The following ZNF180 variants were observed in gnomAD, a reference collection of about 807,000 sequenced individuals.
The protein encoded by ZNF180 is zinc finger protein 180 (HHZ168).
Under a neutral mutation model 11.8 loss-of-function variants are expected in ZNF180, and 11 were observed. The observed-to-expected ratio is 0.93, with a 90% CI of 0.59 to 1.55. The LOEUF (loss-of-function observed/expected upper bound fraction) is 1.55, where lower values mean the gene tolerates loss of function less well. Ranked by LOEUF, ZNF180 falls within the 40% of genes most tolerant of loss-of-function variation. The probability of loss-of-function intolerance (pLI) is 0.00; values close to 1 mark genes in which losing one functional copy is unlikely to be tolerated. For missense variants in ZNF180, 773 were observed against 781.7 expected, an observed-to-expected ratio of 0.99 and a Z score of 0.13; for synonymous variants, 287 against 257.7, an observed-to-expected ratio of 1.11 and a Z score of -1.09.
At position 44,476,545 on chromosome 19, in the gene ZNF180, C is replaced by CATA. The variant is rs1286111738; in HGVS notation, c.1854_1855insTAT (p.Ser618_Ala619insTyr). ...GTTCTTTGATGCACAATAAGTCGAG[C>CATA]ACTCAAGCTAAATGTTTTTCCACAC... On this transcript the variant is annotated inframe_insertion, in exon 5 of 5. Transcript: ENST00000592529. The CATA allele has an allele frequency of 1.2e-6, 2 of 1,613,688 alleles. No individual in the cohort carries two copies. The highest frequency in any genetic ancestry group is 4.5e-5 in the East Asian group (2 of 44,840).
intron 2 of ZNF180, among the ~76,000 whole-genome samples, chr19:44,489,636 G>T (rs1970370870): frequency 1.7e-5 from 2 of 119,946 alleles, no homozygotes; most frequent in Non-Finnish European, 3.6e-5. Context: ...AGGAAAACCA[G>T]AGACCTTTGT....
At chr19:44,488,488 A>C (rs895069059) in intron 2 of ZNF180, among the ~76,000 whole-genome samples, 8 of 152,162 alleles carry the variant, frequency 5.3e-5, no homozygotes, top group Non-Finnish European at 7.3e-5. Context: ...GCTGGTCTCC[A>C]GCTCCTAACC....
At position 44,488,083 on chromosome 19, in the gene ZNF180, TCC is replaced by T. The variant is rs1970281838; in HGVS notation, c.52-3650_52-3649del. Among the ~76,000 whole-genome samples the T allele has an allele frequency of 2.4e-3, 146 of 61,358 alleles. 3 individuals carry two copies. The highest frequency in any genetic ancestry group is 0.01 in the Middle Eastern group (1 of 96). The allele number at this position is 61,358 out of a possible 152,430, so 40.3% of individuals were successfully genotyped here. ...CGCCCTTGCCCTCTCCCTCTCCCTC[TCC>T]CCACGGTCTCCCTCTCCCTCTCTTT... On this transcript the variant is annotated intron_variant, in intron 2 of 4. Transcript: ENST00000592529.
At position 44,500,486 on chromosome 19, in the gene ZNF180, A is replaced by C. The variant is rs376906659; in HGVS notation, c.-255T>G. 8.3e-5 allele frequency: 46 copies of C among 551,468 alleles called. No individual in the cohort carries two copies. Among genetic ancestry groups the C allele is most frequent in the African/African-American group, 6.4e-4 (34 of 52,874 alleles). The allele number at this position is 551,468 out of a possible 1,614,324, so 34.2% of individuals were successfully genotyped here. ...CTGAAGGGCCGAGCTGCTCGGCGAC[A>C]GCAAGCGTCCGCGCGCGGGACAATG... is the stretch of plus-strand genomic sequence containing the variant. On this transcript the variant is annotated 5_prime_UTR_variant, in exon 1 of 5. Coordinates refer to ENST00000592529, the MANE Select transcript of ZNF180 (RefSeq NM_001278509.3).
chr19:44,484,925 C>G (rs1347922207), intron 2 of ZNF180: 1 of 154,744 alleles, frequency 6.5e-6, no homozygotes, highest in Non-Finnish European at 1.4e-5. Context: ...CTTTGGAAGG[C>G]TGAGGCAGGC....
At chr19:44,484,494 A>C in intron 2 of ZNF180, 59 bp from the exon 3 acceptor site, 1 of 1,242,672 alleles carries the variant, frequency 8.0e-7, no homozygotes, top group Non-Finnish European at 1.2e-6. Context: ...GTGGCAGCTC[A>C]AATCTCCTCC....
chr19:44,479,027 C>G (rs559596376), intron 4 of ZNF180, among the ~76,000 whole-genome samples: 44 of 152,154 alleles, frequency 2.9e-4, no homozygotes, highest in African/African-American at 1.0e-3. Flanking sequence ...AAGCTGGGGA[C>G]AAAAGAAAAT....
chr19:44,476,821 A>G lies in ZNF180; in HGVS notation c.1579T>C (p.Cys527Arg). 1 of 1,614,142 alleles carries G rather than the reference A, an allele frequency of 6.2e-7. No individual in the cohort carries two copies. The highest frequency in any genetic ancestry group is 1.1e-5 in the South Asian group (1 of 91,082). Residue 527 changes from cysteine to arginine, a missense_variant, in exon 5 of 5, where the codon TGT (cysteine) becomes CGT (arginine). Coordinates refer to ENST00000592529, the MANE Select transcript of ZNF180 (RefSeq NM_001278509.3). The stretch of plus-strand genomic sequence containing the variant: ...GAACTGCGGTTAAAAGATTTTCCAC[A>G]TTCACTACATTCATACGGTTTCTCT... ...TGEKPYECSE[C>R]GKSFNRSSHL...
Position 44,479,391 on chromosome 19 carries a change from T to A in ZNF180, c.145A>T (p.Ile49Phe). The change falls in exon 4 of 5, where the codon ATT becomes TTT. Residue 49 changes from isoleucine to phenylalanine, a missense_variant. Coordinates refer to ENST00000592529, the MANE Select transcript of ZNF180 (RefSeq NM_001278509.3). ...TCCCGTGTGAAGTCCACAGTCACAA[T>A]TTTGAAGTTCACTCCTTCCTAAAAA... is the stretch of plus-strand genomic sequence containing the variant. ...IPSQEGVNFK[I>F]VTVDFTREEQ... is the part of the protein sequence containing the mutation. 6.2e-7 allele frequency: 1 copy of A among 1,613,904 alleles called. No individual in the cohort carries two copies. The highest frequency in any genetic ancestry group is 8.5e-7 in the Non-Finnish European group (1 of 1,179,878).
At chr19:44,480,071 A>G (rs2123446041) in intron 3 of ZNF180, among the ~76,000 whole-genome samples, 1 of 152,332 alleles carries the variant, frequency 6.6e-6, no homozygotes, top group East Asian at 1.9e-4. Flanking sequence ...TAAAGGGCAT[A>G]TATCTGCTTA....
rs1367265477 is a variant in ZNF180 at position 44,477,737 on chromosome 19, A to G, written c.663T>C (p.Asn221=). 1 of 1,613,898 alleles carries G rather than the reference A, an allele frequency of 6.2e-7. No individual in the cohort carries two copies. The highest frequency in any genetic ancestry group is 1.3e-5 in the African/African-American group (1 of 74,918). The change falls in exon 5 of 5, where the codon AAT becomes AAC. Residue 221 remains asparagine (N), a synonymous_variant. Transcript: ENST00000592529. ...KINENETLYE[N]NECGKPPQSI... The stretch of plus-strand genomic sequence containing the variant: ...TCTGAGGGGGTTTTCCACATTCATT[A>G]TTTTCATATAGTGTCTCATTCTCAT...
chr19:44,487,136 A>G (rs7252996), intron 2 of ZNF180, among the ~76,000 whole-genome samples: 5,284 of 152,296 alleles, frequency 0.035, 315 homozygotes, highest in African/African-American at 0.12. Context: ...TGGGAGGATC[A>G]CTTGATGTGG....
At position 44,477,611 on chromosome 19, in the gene ZNF180, T is replaced by C. The variant is rs1969952827; in HGVS notation, c.789A>G (p.Ile263Met). The change falls in exon 5 of 5, where the codon ATA becomes ATG. Residue 263 changes from isoleucine (I) to methionine (M), a missense_variant. Physicochemically the swap from Ile to Met is conservative, Grantham distance 10. Coordinates refer to ENST00000592529, the MANE Select transcript of ZNF180 (RefSeq NM_001278509.3). ...QSFCHGTPLH[I>M]HEKIHGGGKT... ...TTCCTCCTCCATGAATTTTTTCATG[T>C]ATATGTAGGGGTGTACCATGGCAAA... 1 of 1,613,966 alleles carries C rather than the reference T, an allele frequency of 6.2e-7. No individual in the cohort carries two copies. Among genetic ancestry groups the C allele is most frequent in the South Asian group, 1.1e-5 (1 of 91,088 alleles).
At chr19:44,490,799 C>T (rs1031374772) in intron 2 of ZNF180, among the ~76,000 whole-genome samples, 2 of 152,236 alleles carry the variant, frequency 1.3e-5, no homozygotes, top group African/African-American at 4.8e-5. Context: ...AATATGGTTG[C>T]ACCTCCTCTT....
At chr19:44,482,385 G>A (rs1970105520) in intron 3 of ZNF180, among the ~76,000 whole-genome samples, 1 of 152,076 alleles carries the variant, frequency 6.6e-6, no homozygotes, top group South Asian at 2.1e-4. Context: ...TGTGTTAATG[G>A]AGACTTATAC....
At chr19:44,492,614 A>G (rs183148113) in intron 2 of ZNF180, among the ~76,000 whole-genome samples, 2 of 152,204 alleles carry the variant, frequency 1.3e-5, no homozygotes, top group African/African-American at 4.8e-5. Flanking sequence ...GCTTCATAGT[A>G]AGACAGTGGT....
chr19:44,490,199 G>A (rs1423455059), intron 2 of ZNF180, among the ~76,000 whole-genome samples: 1 of 151,272 alleles, frequency 6.6e-6, no homozygotes, highest in East Asian at 2.0e-4. Context: ...AGGGAGGATG[G>A]AAGGAAAAAG....
Position 44,489,855 on chromosome 19 carries a change from A to AAG in ZNF180, c.52-5422_52-5421dup, listed in dbSNP as rs1408710663. ...AAAAGAAGAGAAGAGATGAGAAGAG[A>AAG]AGAACAAGAAAGAAAGAGAGAGAAA... On this transcript the variant is annotated intron_variant, in intron 2 of 4. Coordinates refer to ENST00000592529, the MANE Select transcript of ZNF180 (RefSeq NM_001278509.3). Among the ~76,000 whole-genome samples, 24 of 143,120 alleles carry AAG rather than the reference A, an allele frequency of 1.7e-4. No individual in the cohort carries two copies. The East Asian group carries it at 4.5e-3, about 27-fold the overall frequency. The allele number at this position is 143,120 out of a possible 152,430, so 93.9% of individuals were successfully genotyped here. A position where few individuals can be genotyped will look rare whatever the true frequency, so the allele number is the denominator to read the frequency against.
intron 2 of ZNF180, chr19:44,484,754 T>G: frequency 3.0e-6 from 1 of 328,166 alleles, no homozygotes; most frequent in South Asian, 6.0e-5. Flanking sequence ...CTAAGAACTG[T>G]CCAGCGGGAC....
Sources: allele counts gnomAD v4.1 joint callset (sites outside exome capture counted in the v4.1 genomes callset), GRCh38; gene constraint gnomAD v4.1.1; transcripts MANE v1.5; gene names NCBI Gene and HGNC (gene_info 2026-07-23, HGNC 2026-07-21).